The following FOXN3 variants were observed in gnomAD, a reference collection of about 807,000 sequenced individuals.
FOXN3 encodes forkhead box protein N3.
A neutral mutation model predicts 38.4 loss-of-function variants in FOXN3; 7 were observed. The ratio of observed to expected loss-of-function variants is 0.18; its 90% CI spans 0.10 to 0.34. The LOEUF (loss-of-function observed/expected upper bound fraction) is 0.34, where lower values mean the gene tolerates loss of function less well. FOXN3 is among the 10% of genes least tolerant of loss of function. FOXN3 has a pLI of 1.00. For synonymous variants in FOXN3, 230 were observed against 242.2 expected (o/e 0.95, Z 0.47); for missense variants, 456 against 613.4 (o/e 0.74, Z 2.71).
At chr14:89,232,677 A>G (rs572164196) in intron 4 of FOXN3, among the ~76,000 whole-genome samples, 16 of 152,228 alleles carry the variant, frequency 1.1e-4, no homozygotes, top group African/African-American at 3.6e-4. Flanking sequence ...TTGTTTTTCC[A>G]CAGCCCTGGA....
chr14:89,430,003 C>A (rs1448907774), intron 1 of FOXN3, among the ~76,000 whole-genome samples: 1 of 152,178 alleles, frequency 6.6e-6, no homozygotes, highest in African/African-American at 2.4e-5. Context: ...TGCCTTTAAT[C>A]AAGTTTAAGC....
chr14:89,401,587 T>A (rs1360764629), intron 2 of FOXN3: 1 of 456,076 alleles, frequency 2.2e-6, no homozygotes, highest in South Asian at 1.5e-5. Context: ...CCAGGCTCCC[T>A]GTACCTTGAT....
intron 1 of FOXN3, among the ~76,000 whole-genome samples, chr14:89,469,145 C>G (rs1893042085): frequency 6.6e-6 from 1 of 152,102 alleles, no homozygotes; most frequent in South Asian, 2.1e-4. Context: ...AAACTGAGAC[C>G]CAGGGGTCCC....
chr14:89,522,434 G>C (rs767491694), intron 1 of FOXN3, among the ~76,000 whole-genome samples: 8 of 152,076 alleles, frequency 5.3e-5, no homozygotes, highest in Admixed American at 6.6e-5. Context: ...AGAATGAAAA[G>C]CACCAGAAAT....
intron 3 of FOXN3, among the ~76,000 whole-genome samples, chr14:89,345,725 T>C (rs1211516837): frequency 6.6e-6 from 1 of 152,198 alleles, no homozygotes; most frequent in Non-Finnish European, 1.5e-5. Flanking sequence ...AACATACGTT[T>C]TCCATTGGTT....
intron 1 of FOXN3, among the ~76,000 whole-genome samples, chr14:89,611,294 T>C (rs1238657951): frequency 1.3e-5 from 2 of 152,184 alleles, no homozygotes; most frequent in Admixed American, 1.3e-4. Flanking sequence ...GAGATGTCAG[T>C]GTATCTTAAC....
Position 89,417,001 on chromosome 14 carries a change from CCGGGGCGGCGGGCGGCGGGGGG to C in FOXN3, c.-167_-146del, listed in dbSNP as rs1253448543. ...GACGCGCGGGCGCGGCGCGGCGAGC[CCGGGGCGGCGGGCGGCGGGGGG>C]CGGCCGCGGGCGCGGGCGGCAGGGG... On this transcript the variant is annotated 5_prime_UTR_variant, in exon 1 of 6. It introduces an in-frame stop codon into an upstream open reading frame of the 5' UTR. Coordinates refer to ENST00000557258, the MANE Select transcript of FOXN3 (RefSeq NM_005197.4). 6.9e-6 allele frequency: 1 copy of C among 145,676 alleles called. No homozygotes were observed. Among genetic ancestry groups the C allele is most frequent in the Non-Finnish European group, 1.5e-5 (1 of 65,564 alleles). 9.0% of individuals were successfully genotyped at this position (145,676 alleles called of 1,614,324 possible).
At chr14:89,290,107 G>C (rs1218081377) in intron 3 of FOXN3, 1 of 177,258 alleles carries the variant, frequency 5.6e-6, no homozygotes, top group Non-Finnish European at 1.2e-5. Context: ...AGAATTGTCG[G>C]AGGCCAAAAC....
Position 89,499,134 on chromosome 14 carries a change from T to C in FOXN3, c.-14-86644A>G, listed in dbSNP as rs149318445. On this transcript the variant is annotated intron_variant, in intron 1 of 6. Transcript: ENST00000345097. Reference sequence around the variant, plus strand: ...CCTAATCCTTGCATTTACATTTTAATATTCTCTGGCCTCCTCCCACCCCAC... The same window carrying C: ...CCTAATCCTTGCATTTACATTTTAACATTCTCTGGCCTCCTCCCACCCCAC... Among the ~76,000 whole-genome samples, 13 of 152,272 alleles carry C rather than the reference T, an allele frequency of 8.5e-5. 1 individual carries two copies. The highest frequency in any genetic ancestry group is 2.2e-4 in the African/African-American group (9 of 41,552).
At chr14:89,218,300 A>C (rs1486161302) in intron 4 of FOXN3, among the ~76,000 whole-genome samples, 1 of 152,218 alleles carries the variant, frequency 6.6e-6, no homozygotes, top group Non-Finnish European at 1.5e-5. Context: ...CTTTTTAATC[A>C]TGTGATTTTT....
chr14:89,431,630 T>C lies in FOXN3; in HGVS notation c.-14-19140A>G, dbSNP rs139556596. Among the ~76,000 whole-genome samples, 722 of 152,358 alleles carry C rather than the reference T, an allele frequency of 4.7e-3. 7 individuals are homozygous for C. Among genetic ancestry groups the C allele is most frequent in the African/African-American group, 0.016 (663 of 41,584 alleles). On this transcript the variant is annotated intron_variant, in intron 1 of 6. Coordinates refer to the FOXN3 transcript ENST00000345097. ...TATTTTGTTTCGATATGTTTTATTT[T>C]TTTAGAGCAGTTTAAGGTTCACAGC...
intron 1 of FOXN3, among the ~76,000 whole-genome samples, chr14:89,501,519 G>A (rs1281498045): frequency 1.3e-5 from 2 of 152,100 alleles, no homozygotes; most frequent in East Asian, 1.9e-4. Flanking sequence ...TAATCAGAGG[G>A]AACGAGGAGA....
intron 4 of FOXN3, among the ~76,000 whole-genome samples, chr14:89,234,201 A>G (rs952352552): frequency 6.6e-6 from 1 of 152,236 alleles, no homozygotes; most frequent in African/African-American, 2.4e-5. Context: ...TATTAGTTCT[A>G]GGGCCACTGC....
chr14:89,217,988 G>A (rs1884340514), intron 4 of FOXN3, among the ~76,000 whole-genome samples: 1 of 152,184 alleles, frequency 6.6e-6, no homozygotes, highest in Non-Finnish European at 1.5e-5. Context: ...TCCAGCCTGG[G>A]ATTCAGCTGC....
chr14:89,547,494 CA>C (rs1256924516), intron 1 of FOXN3, among the ~76,000 whole-genome samples: 5 of 151,932 alleles, frequency 3.3e-5, no homozygotes, highest in Admixed American at 6.6e-5. Context: ...GATGGGGTTT[CA>C]CCATGTTGGC....
intron 3 of FOXN3, among the ~76,000 whole-genome samples, chr14:89,323,579 C>T (rs55831515): frequency 0.2 from 29,799 of 151,500 alleles, 4,332 homozygotes; most frequent in African/African-American, 0.42. Context: ...ATTAGCTGGG[C>T]GTGGTGGCAC....
chr14:89,334,378 G>C (rs557286243), intron 3 of FOXN3, among the ~76,000 whole-genome samples: 39 of 152,218 alleles, frequency 2.6e-4, no homozygotes, highest in African/African-American at 9.4e-4. Flanking sequence ...GGGAGGATGA[G>C]GCAGGTGGAT....
intron 1 of FOXN3, among the ~76,000 whole-genome samples, chr14:89,566,340 A>G (rs1409554131): frequency 6.6e-6 from 1 of 152,252 alleles, no homozygotes; most frequent in Non-Finnish European, 1.5e-5. Context: ...GTTTTGGTAT[A>G]AAACTGCTGC....
intron 1 of FOXN3, among the ~76,000 whole-genome samples, chr14:89,503,279 T>C (rs1304426792): frequency 3.3e-5 from 5 of 151,924 alleles, no homozygotes; most frequent in Non-Finnish European, 7.4e-5. Flanking sequence ...GTTCCTTCTA[T>C]ATTATCAAGA....
Sources: allele counts gnomAD v4.1 joint callset (sites outside exome capture counted in the v4.1 genomes callset), GRCh38; gene constraint gnomAD v4.1.1; transcripts MANE v1.5; gene names NCBI Gene and HGNC (gene_info 2026-07-23, HGNC 2026-07-21).